Variants in HID1 observed in about 807,000 individuals in gnomAD.
The protein encoded by HID1 is HID1 domain containing, also known as protein HID1.
HID1 carries 42 observed loss-of-function variants against 89.7 expected under a neutral mutation model. The ratio of observed to expected loss-of-function variants is 0.47; its 90% confidence interval spans 0.37 to 0.61. The LOEUF (loss-of-function observed/expected upper bound fraction) is 0.61, where lower values mean the gene tolerates loss of function less well. Among genes scored for constraint, HID1 ranks in the 20% least tolerant of loss-of-function variants. HID1 has a pLI of 0.00. For missense variants in HID1, 854 were observed against 1,039.3 expected (o/e 0.82, Z 2.45); for synonymous variants, 442 against 433.8 (o/e 1.02, Z -0.24).
chr17:74,961,581 T>C (rs1210337031), intron 6 of HID1: 1 of 168,450 alleles, frequency 5.9e-6, no homozygotes, highest in African/African-American at 2.6e-5. Context: ...TTTTACTTTT[T>C]AACTTTTTTA....
Position 74,963,776 on chromosome 17 carries a change from G to A in HID1, c.351C>T (p.Phe117=). The change falls in exon 3 of 19, where the codon TTC becomes TTT. Residue 117 remains phenylalanine, a synonymous_variant. Transcript: ENST00000425042. The part of the protein sequence containing the change: ...YIFEDPDWRG[F]FWSTVPGAGR... ...CTGCCCCGGGCACTGTGGACCAGAA[G>A]AAGCCCCTCCAGTCGGGGTCCTCAA... 1.2e-6 allele frequency: 2 copies of A among 1,613,638 alleles called. No homozygotes were observed. Among genetic ancestry groups the A allele is most frequent in the Non-Finnish European group, 1.7e-6 (2 of 1,179,822 alleles).
In HID1 at chr17:74,964,355, G is replaced by C. The variant is rs993589177; in HGVS notation, c.216+128C>G. The C allele has an allele frequency of 2.9e-5, 31 of 1,052,386 alleles. 1 individual carries two copies. The Admixed American group carries it at 3.9e-4, about 13-fold the overall frequency. 65.2% of individuals were successfully genotyped at this position (1,052,386 alleles called of 1,614,324 possible). On this transcript the variant is annotated intron_variant, in intron 2 of 18. Transcript: ENST00000425042. The stretch of plus-strand genomic sequence containing the variant: ...GCCCAGCAAAGAGAACCACAGAGAA[G>C]TGGAAGAGCTGAGTGAGGCCACAGG...
intron 1 of HID1, among the ~76,000 whole-genome samples, chr17:74,971,635 G>A (rs1482999396): frequency 6.6e-6 from 1 of 152,216 alleles, no homozygotes; most frequent in Non-Finnish European, 1.5e-5. Context: ...GATGGCAGCA[G>A]GTCCTGTGTC....
intron 16 of HID1, among the ~76,000 whole-genome samples, 188 bp from the exon 17 acceptor site, chr17:74,952,548 C>G (rs1036603080): frequency 1.3e-5 from 2 of 152,184 alleles, no homozygotes; most frequent in African/African-American, 2.4e-5. Flanking sequence ...CATGGCCCCG[C>G]GTTAAGCCAG....
rs1181920664 is a variant in HID1 at position 74,972,038 on chromosome 17, C to T, written c.66+553G>A. 1.3e-5 allele frequency among the ~76,000 whole-genome samples: 2 copies of T among 152,204 alleles called. No homozygotes were observed. Among genetic ancestry groups the T allele is most frequent in the African/African-American group, 2.4e-5 (1 of 41,440 alleles). On this transcript the variant is annotated intron_variant, in intron 1 of 18. Transcript: ENST00000425042. The surrounding 1 kb of genome is among the most constrained non-coding windows in gnomAD (Gnocchi z 6.4). ...CTGCCTCGCTGCCCGCCACTCTTTGCGTGTTCCCAGGAAGACCTGGGCCTT... is the reference window on the plus strand; with the variant it reads ...CTGCCTCGCTGCCCGCCACTCTTTGTGTGTTCCCAGGAAGACCTGGGCCTT...
rs539730693 is a variant in HID1 at position 74,959,258 on chromosome 17, C to G, written c.1009-207G>C. 6.6e-6 allele frequency among the ~76,000 whole-genome samples: 1 copy of G among 152,216 alleles called. No homozygotes were observed. On this transcript the variant is annotated intron_variant, in intron 8 of 18. Coordinates refer to ENST00000425042, the MANE Select transcript of HID1 (RefSeq NM_030630.3). The surrounding 1 kb of genome is among the most constrained non-coding windows in gnomAD (Gnocchi z 4.6). The stretch of plus-strand genomic sequence containing the variant: ...CCCTCATAGCTGTGGACAGCCCTGG[C>G]CCCTCCACTAGACTGCAGACTCTCT...
chr17:74,965,019 C>T (rs1359579116), intron 1 of HID1, among the ~76,000 whole-genome samples: 2 of 152,364 alleles, frequency 1.3e-5, no homozygotes, highest in East Asian at 3.9e-4. Context: ...AAGACCATGC[C>T]CTCTCTCCAT....
At chr17:74,960,702 C>T (rs2039465995) in intron 6 of HID1, among the ~76,000 whole-genome samples, 2 of 152,230 alleles carry the variant, frequency 1.3e-5, no homozygotes, top group South Asian at 4.1e-4. Flanking sequence ...CTCTGGCCAG[C>T]CTCGGACTGT....
Position 74,962,630 on chromosome 17 carries a change from G to T in HID1, c.505-290C>A, listed in dbSNP as rs2039500563. On this transcript the variant is annotated intron_variant, in intron 4 of 18. Transcript: ENST00000425042. This position sits in a 1 kb window ranked among gnomAD's most constrained non-coding sequence, Gnocchi z 4.3. ...AGGGGCAGGGGATTGGGTGCCCCGG[G>T]TTTGGGGGTGGGCAGAGAAGACTCA... 6.6e-6 allele frequency among the ~76,000 whole-genome samples: 1 copy of T among 152,176 alleles called. No homozygotes were observed. The highest frequency in any genetic ancestry group is 1.5e-5 in the Non-Finnish European group (1 of 68,022).
intron 16 of HID1, 69 bp from the exon 17 acceptor site, chr17:74,952,429 G>T: frequency 1.7e-6 from 2 of 1,159,334 alleles, no homozygotes; most frequent in South Asian, 1.3e-5. Context: ...GCCTGACCCT[G>T]ACCCAGAACC....
intron 14 of HID1, 129 bp from the exon 15 acceptor site, chr17:74,953,780 G>T: frequency 1.4e-6 from 1 of 729,756 alleles, no homozygotes; most frequent in Non-Finnish European, 2.3e-6. Flanking sequence ...GGCTCTAGAG[G>T]CAGTGTCTGA....
intron 15 of HID1, 122 bp downstream of exon 15, chr17:74,953,423 A>C (rs1234830199): frequency 1.4e-6 from 1 of 734,612 alleles, no homozygotes; most frequent in Non-Finnish European, 2.3e-6. Flanking sequence ...TGCCCTGGGC[A>C]CTGGGTAACT....
rs1042687767 is a variant in HID1 at position 74,958,778 on chromosome 17, A to G, written c.1150-15T>C. The G allele has an allele frequency of 6.2e-7, 1 of 1,610,316 alleles. No homozygotes were observed. Among genetic ancestry groups the G allele is most frequent in the Non-Finnish European group, 8.5e-7 (1 of 1,178,912 alleles). ...AAGAGGAATTTCTAGGGGTGCGGGG[A>G]GGGGCCAAGTGGGCTGAGTTCAAGG... On this transcript the variant is annotated splice_polypyrimidine_tract_variant and intron_variant, in intron 9 of 18. Coordinates refer to ENST00000425042, the MANE Select transcript of HID1 (RefSeq NM_030630.3). The surrounding 1 kb of genome is among the most constrained non-coding windows in gnomAD (Gnocchi z 5.2).
intron 1 of HID1, chr17:74,967,705 T>C (rs2039584057): frequency 6.7e-6 from 1 of 148,826 alleles, no homozygotes; most frequent in African/African-American, 2.5e-5. Context: ...TCAAAAAAAT[T>C]AGCTGGGCAT....
chr17:74,965,642 G>A (rs896266686), intron 1 of HID1, among the ~76,000 whole-genome samples: 2 of 152,216 alleles, frequency 1.3e-5, no homozygotes, highest in Non-Finnish European at 2.9e-5. Context: ...TGCCCAGCCA[G>A]GCACAGTGGC....
At chr17:74,966,546 C>T (rs889447628) in intron 1 of HID1, among the ~76,000 whole-genome samples, 11 of 152,178 alleles carry the variant, frequency 7.2e-5, no homozygotes, top group African/African-American at 2.6e-4. Context: ...AGCTTTTTTC[C>T]TTCTCTGAAA....
rs779462839 is a variant in HID1, at chr17:74,955,783, G to T, written c.1636+9C>A. ...CCCTGACCACCAGGGCCTCAGGCTGGTGCCTCACCATCAAACTGGTACTGG... is the reference window on the plus strand; with the variant it reads ...CCCTGACCACCAGGGCCTCAGGCTGTTGCCTCACCATCAAACTGGTACTGG... On this transcript the variant is annotated intron_variant, in intron 13 of 18. Transcript: ENST00000425042. 6.2e-7 allele frequency: 1 copy of T among 1,613,714 alleles called. No individual in the cohort carries two copies. Among genetic ancestry groups the T allele is most frequent in the Non-Finnish European group, 8.5e-7 (1 of 1,179,726 alleles).
chr17:74,964,217 C>T lies in HID1; in HGVS notation c.216+266G>A, dbSNP rs2039528357. 4.4e-5 allele frequency: 26 copies of T among 593,830 alleles called. No individual in the cohort carries two copies. In the South Asian group the frequency reaches 5.1e-4, roughly 12 times the overall value. The allele number at this position is 593,830 out of a possible 1,614,324, so 36.8% of individuals were successfully genotyped here. On this transcript the variant is annotated intron_variant, in intron 2 of 18. Coordinates refer to ENST00000425042, the MANE Select transcript of HID1 (RefSeq NM_030630.3). The stretch of plus-strand genomic sequence containing the variant: ...AGTTTCCCTATCTGTAAACTGGCGA[C>T]CCTGGCAGTACCCACCCCACAGAGG...
Position 74,962,439 on chromosome 17 carries a change from G to C in HID1, c.505-99C>G, listed in dbSNP as rs563083668. 7.3e-6 allele frequency: 5 copies of C among 689,286 alleles called. No individual in the cohort carries two copies. The highest frequency in any genetic ancestry group is 1.2e-5 in the Non-Finnish European group (5 of 403,686). 42.7% of individuals were successfully genotyped at this position (689,286 alleles called of 1,614,324 possible). A position where few individuals can be genotyped will look rare whatever the true frequency, so the allele number is the denominator to read the frequency against. ...CCTCGAGCCTCACACAGTCCCAGGGGCAGAGACCGCCAGTTCTCCTAAAGA... is the reference window on the plus strand; with the variant it reads ...CCTCGAGCCTCACACAGTCCCAGGGCCAGAGACCGCCAGTTCTCCTAAAGA... On this transcript the variant is annotated intron_variant, in intron 4 of 18. Transcript: ENST00000425042. This position sits in a 1 kb window ranked among gnomAD's most constrained non-coding sequence, Gnocchi z 4.3.
Sources: gnomAD v4.1 joint callset for allele counts (sites outside exome capture counted in the v4.1 genomes callset) on GRCh38, gnomAD v4.1.1 for gene constraint, Gnocchi (gnomAD v3.1) non-coding constraint, MANE v1.5 for transcripts, NCBI Gene and HGNC (gene_info 2026-07-23, HGNC 2026-07-21) for gene names.